The following IGF2R variants were observed in gnomAD, a reference collection of about 807,000 sequenced individuals.
IGF2R encodes cation-independent mannose-6-phosphate receptor.
Under a neutral mutation model 270.6 loss-of-function variants are expected in IGF2R, and 91 were observed. The ratio of observed to expected loss-of-function variants is 0.34; its 90% CI spans 0.28 to 0.40. IGF2R has a LOEUF of 0.40. IGF2R is among the 10% of genes least tolerant of loss of function. The pLI, the probability that IGF2R is intolerant of heterozygous loss-of-function variation, is 1.00. For missense variants in IGF2R, 2,805 were observed against 3,188.3 expected, an observed-to-expected ratio of 0.88 and a Z score of 2.90; for synonymous variants, 1,316 against 1,258.9, an observed-to-expected ratio of 1.05 and a Z score of -0.96.
intron 4 of IGF2R, among the ~76,000 whole-genome samples, chr6:160,014,098 C>CT (rs1388396104): frequency 6.6e-6 from 1 of 152,146 alleles, no homozygotes; most frequent in Non-Finnish European, 1.5e-5. Flanking sequence ...CCCTTTAAAA[C>CT]TATTGTTATA....
chr6:159,972,075 A>C (rs188557335), intron 1 of IGF2R, among the ~76,000 whole-genome samples: 197 of 152,300 alleles, frequency 1.3e-3, no homozygotes, highest in African/African-American at 4.5e-3. Context: ...AAATTTCCGT[A>C]AATGTAGCAT....
At chr6:159,991,410 C>A in intron 2 of IGF2R, 87 bp downstream of exon 2, 2 of 1,098,862 alleles carry the variant, frequency 1.8e-6, no homozygotes, top group South Asian at 1.6e-5. Flanking sequence ...ACGTATATAG[C>A]GATACAAAAA....
At chr6:160,078,049 G>A (rs1190246761) in intron 36 of IGF2R, 152 bp from the exon 37 acceptor site, 17 of 704,708 alleles carry the variant, frequency 2.4e-5, no homozygotes, top group Non-Finnish European at 4.2e-5. Flanking sequence ...CCTTGAAGAT[G>A]GCATTGGGTC....
chr6:160,047,934 T>C, intron 17 of IGF2R, 27 bp downstream of exon 17: 7 of 1,440,850 alleles, frequency 4.9e-6, no homozygotes, highest in Non-Finnish European at 6.8e-6. Context: ...TGCTCTGTTT[T>C]TGGCCTGGTA....
chr6:160,061,530 C>T lies in IGF2R; in HGVS notation c.3290C>T (p.Thr1097Ile). 6.2e-7 allele frequency: 1 copy of T among 1,614,138 alleles called. No individual in the cohort carries two copies. Among genetic ancestry groups the T allele is most frequent in the Non-Finnish European group, 8.5e-7 (1 of 1,180,002 alleles). ...TDLAGNEYDLTGLSTVRKPWT... is the reference protein window; with the variant it reads ...TDLAGNEYDLIGLSTVRKPWT... ...CTGGCTGGAAATGAGTACGACCTGA[C>T]TGGCCTAAGCACAGTCAGGAAACCT... The change falls in exon 24 of 48, where the codon ACT (threonine) becomes ATT (isoleucine). Residue 1097 changes from threonine (T) to isoleucine (I), a missense_variant. Physicochemically the swap from Thr to Ile is moderately conservative, Grantham distance 89. This residue lies in a region of IGF2R where 1,851 missense variants were observed against 2,207.2 expected (regional missense o/e 0.84). Coordinates refer to ENST00000356956, the MANE Select transcript of IGF2R (RefSeq NM_000876.4).
chr6:160,056,930 A>G (rs1778329369), intron 20 of IGF2R, among the ~76,000 whole-genome samples: 1 of 152,052 alleles, frequency 6.6e-6, no homozygotes, highest in African/African-American at 2.4e-5. Flanking sequence ...ATGTGACCCT[A>G]TCCATAGAGC....
At chr6:160,056,619 TTCTTTCTGAA>T in intron 20 of IGF2R, 94 bp downstream of exon 20, 1 of 826,450 alleles carries the variant, frequency 1.2e-6, no homozygotes, top group Non-Finnish European at 2.1e-6. Flanking sequence ...CCCCTGCCCC[TTCTTTCTGAA>T]TCAGTTACTA....
At chr6:160,019,351 T>A (rs1206903581) in intron 4 of IGF2R, among the ~76,000 whole-genome samples, 2 of 151,678 alleles carry the variant, frequency 1.3e-5, no homozygotes, top group Non-Finnish European at 2.9e-5. Flanking sequence ...CAAAAAAAGC[T>A]CAGGACCAGA....
chr6:160,031,918 G>A (rs932615903), intron 7 of IGF2R, among the ~76,000 whole-genome samples: 2 of 152,058 alleles, frequency 1.3e-5, no homozygotes, highest in Admixed American at 6.6e-5. Flanking sequence ...CCCCCTTCAT[G>A]GCTCACATCA....
At chr6:160,061,671 T>G (rs1360505533) in intron 24 of IGF2R, 25 bp downstream of exon 24, 12 of 1,614,024 alleles carry the variant, frequency 7.4e-6, no homozygotes, top group Non-Finnish European at 1.0e-5. Flanking sequence ...GTCTCTTGAT[T>G]GGCGTCTGTT....
Position 160,102,734 on chromosome 6 carries a change from GTCAGT to G in IGF2R, c.6995+65_6995+69del. 1 of 1,501,276 alleles carries G rather than the reference GTCAGT, an allele frequency of 6.7e-7. No homozygotes were observed. Among genetic ancestry groups the G allele is most frequent in the Non-Finnish European group, 9.0e-7 (1 of 1,107,766 alleles). 93.0% of individuals were successfully genotyped at this position (1,501,276 alleles called of 1,614,324 possible). On this transcript the variant is annotated intron_variant, in intron 46 of 47. Coordinates refer to ENST00000356956, the MANE Select transcript of IGF2R (RefSeq NM_000876.4). This position sits in a 1 kb window ranked among gnomAD's most constrained non-coding sequence, Gnocchi z 4.5. ...CATGCCTCCCATAGCTAATCTTGGG[GTCAGT>G]TTTGTGGGGTTTTATTTATTTGTTT...
chr6:159,976,260 T>G (rs1281066184), intron 1 of IGF2R, among the ~76,000 whole-genome samples: 1 of 152,172 alleles, frequency 6.6e-6, no homozygotes, highest in Non-Finnish European at 1.5e-5. Flanking sequence ...ATCTCTATTT[T>G]CCTAGAAAAT....
intron 15 of IGF2R, 77 bp from the exon 16 acceptor site, chr6:160,047,082 C>T: frequency 2.2e-6 from 3 of 1,393,732 alleles, no homozygotes; most frequent in Non-Finnish European, 3.0e-6. Context: ...CGCTCACGGG[C>T]CCTCCCTTCA....
At position 160,072,829 on chromosome 6, in the gene IGF2R, G is replaced by A; in HGVS notation, c.4635G>A (p.Lys1545=). The change falls in exon 33 of 48, where the codon AAG becomes AAA. Residue 1545 remains lysine (K), a synonymous_variant. Coordinates refer to ENST00000356956, the MANE Select transcript of IGF2R (RefSeq NM_000876.4). The part of the protein sequence containing the change: ...RAGFTAAYSE[K]GLVYMSICGE... ...GATTCACAGCTGCTTACAGCGAGAA[G>A]GGGTTGGTTTACATGAGCATCTGTG... is the stretch of plus-strand genomic sequence containing the variant. The A allele has an allele frequency of 1.2e-6, 2 of 1,614,214 alleles. No individual in the cohort carries two copies. Among genetic ancestry groups the A allele is most frequent in the Non-Finnish European group, 8.5e-7 (1 of 1,180,026 alleles).
intron 2 of IGF2R, chr6:160,005,776 C>G (rs958989751): frequency 6.8e-6 from 1 of 147,638 alleles, no homozygotes; most frequent in Admixed American, 6.7e-5. Context: ...CAGCCTTCCG[C>G]GCCTCCTTGG....
chr6:160,077,887 A>G (rs1778888302), intron 36 of IGF2R, among the ~76,000 whole-genome samples: 1 of 152,160 alleles, frequency 6.6e-6, no homozygotes, highest in Admixed American at 6.5e-5. Context: ...AGTTTCACAG[A>G]CCTCTCTCAT....
rs564025694 is a variant in IGF2R, at chr6:160,107,836, T to C, written c.*2752T>C. Reference sequence around the variant, plus strand: ...AGACATACAGACAGGAGACAACATATAGACATTAGAACTTACAGGACAAAG... The same window carrying C: ...AGACATACAGACAGGAGACAACATACAGACATTAGAACTTACAGGACAAAG... On this transcript the variant is annotated 3_prime_UTR_variant, in exon 48 of 48. Coordinates refer to ENST00000356956, the MANE Select transcript of IGF2R (RefSeq NM_000876.4). 31 of 152,322 alleles carry C rather than the reference T, an allele frequency of 2.0e-4. No individual in the cohort carries two copies. In the South Asian group the frequency reaches 4.3e-3, roughly 21 times the overall value. 9.4% of individuals were successfully genotyped at this position (152,322 alleles called of 1,614,324 possible).
At position 159,978,996 on chromosome 6, in the gene IGF2R, G is replaced by A. The variant is rs144060961; in HGVS notation, c.149+9601G>A. 1.5e-4 allele frequency among the ~76,000 whole-genome samples: 23 copies of A among 152,248 alleles called. No individual in the cohort carries two copies. The East Asian group carries it at 4.4e-3, about 29-fold the overall frequency. ...AGGGGGATGGTGGAAGTACTGGCCC[G>A]AGCTCTGTTTTCAGGAGTGTGTGAC... On this transcript the variant is annotated intron_variant, in intron 1 of 47. Coordinates refer to ENST00000356956, the MANE Select transcript of IGF2R (RefSeq NM_000876.4).
chr6:160,096,418 T>C (rs748321576), intron 44 of IGF2R, 21 bp from the exon 45 acceptor site: 6 of 1,601,550 alleles, frequency 3.7e-6, no homozygotes, highest in Non-Finnish European at 4.3e-6. Context: ...ACATGCCATG[T>C]GTGCCCTTCC....
Sources: allele counts gnomAD v4.1 joint callset (sites outside exome capture counted in the v4.1 genomes callset), GRCh38; gene constraint gnomAD v4.1.1; regional missense constraint gnomAD v4.1.1; non-coding constraint Gnocchi (gnomAD v3.1); transcripts MANE v1.5; gene names NCBI Gene and HGNC (gene_info 2026-07-23, HGNC 2026-07-21).